TGFBR3: variants seen among roughly 807,000 people sequenced by gnomAD.
TGFBR3 encodes transforming growth factor beta receptor type 3.
TGFBR3 carries 46 observed loss-of-function variants against 87.9 expected under a neutral mutation model. The ratio of observed to expected loss-of-function variants is 0.52; its 90% CI spans 0.41 to 0.67. The LOEUF is 0.67. Among genes scored for constraint, TGFBR3 ranks in the 30% least tolerant of loss-of-function variants. The pLI is 0.00. For missense variants in TGFBR3, 866 were observed against 1,041.9 expected (o/e 0.83, Z 2.32); for synonymous variants, 381 against 391.6 (o/e 0.97, Z 0.32).
At chr1:91,877,330 G>A (rs1386676548) in intron 1 of TGFBR3, among the ~76,000 whole-genome samples, 1 of 150,682 alleles carries the variant, frequency 6.6e-6, no homozygotes, top group African/African-American at 2.4e-5. Flanking sequence ...CTTTTTTTGT[G>A]TGTGTGGTGG....
chr1:91,896,153 G>A (rs1459244514), intron 2 of TGFBR3, among the ~76,000 whole-genome samples: 1 of 152,086 alleles, frequency 6.6e-6, no homozygotes, highest in African/African-American at 2.4e-5. Context: ...CTTAAAGCAG[G>A]CTCCCTGTGT....
chr1:91,697,423 C>T (rs1671470772), intron 15 of TGFBR3, among the ~76,000 whole-genome samples: 1 of 152,208 alleles, frequency 6.6e-6, no homozygotes, highest in Admixed American at 6.5e-5. Context: ...AAATTCTCCT[C>T]ACAAGACAAC....
intron 2 of TGFBR3, among the ~76,000 whole-genome samples, chr1:91,858,785 G>A (rs1006164829): frequency 6.6e-6 from 1 of 152,002 alleles, no homozygotes; most frequent in Non-Finnish European, 1.5e-5. Flanking sequence ...TCCAGCGGTG[G>A]TGGCTCACAC....
At chr1:91,890,827 G>A (rs1679427790), upstream of TGFBR3, among the ~76,000 whole-genome samples, 4 of 152,042 alleles carry the variant, frequency 2.6e-5, no homozygotes, top group South Asian at 4.1e-4. Flanking sequence ...TACAGAATCC[G>A]TTCATGCTCT....
chr1:91,819,284 C>T (rs1676358258), intron 2 of TGFBR3, among the ~76,000 whole-genome samples: 1 of 152,048 alleles, frequency 6.6e-6, no homozygotes, highest in South Asian at 2.1e-4. Flanking sequence ...AGGAGAATCA[C>T]TTGAACTCGA....
At chr1:91,722,352 A>G (rs1178388429) in intron 7 of TGFBR3, among the ~76,000 whole-genome samples, 2 of 152,174 alleles carry the variant, frequency 1.3e-5, no homozygotes, top group Non-Finnish European at 2.9e-5. Flanking sequence ...CTGCTTGATC[A>G]TACTATTTGT....
intron 1 of TGFBR3, among the ~76,000 whole-genome samples, chr1:91,878,455 C>T (rs1054281847): frequency 6.6e-6 from 1 of 152,192 alleles, no homozygotes; most frequent in Admixed American, 6.5e-5. Context: ...AAAAGGGACC[C>T]TTTTCACTTG....
At position 91,816,033 on chromosome 1, in the gene TGFBR3, A is replaced by G. The variant is rs557690900; in HGVS notation, c.62-18562T>C. 5.3e-5 allele frequency among the ~76,000 whole-genome samples: 8 copies of G among 152,320 alleles called. No individual in the cohort carries two copies. In the South Asian group the frequency reaches 1.7e-3, roughly 32 times the overall value. On this transcript the variant is annotated intron_variant, in intron 2 of 16. Transcript: ENST00000212355. ...AACCTCTCTGAATCCACTTAAACCC[A>G]TGAATTGAAAGACTGGGTTGGATTT...
chr1:91,903,831 A>G (rs762009104), intron 1 of TGFBR3, among the ~76,000 whole-genome samples: 1 of 152,172 alleles, frequency 6.6e-6, no homozygotes, highest in Non-Finnish European at 1.5e-5. Flanking sequence ...TGCTAGCTAC[A>G]TATGGTTGGC....
Position 91,681,149 on chromosome 1 carries a change from A to G in TGFBR3, c.*2590T>C, listed in dbSNP as rs1488492429. 1.1e-5 allele frequency: 5 copies of G among 454,040 alleles called. No individual in the cohort carries two copies. Among genetic ancestry groups the G allele is most frequent in the Non-Finnish European group, 2.2e-5 (5 of 226,812 alleles). The allele number at this position is 454,040 out of a possible 1,614,324, so 28.1% of individuals were successfully genotyped here. A position where few individuals can be genotyped will look rare whatever the true frequency, so the allele number is the denominator to read the frequency against. On this transcript the variant is annotated 3_prime_UTR_variant, in exon 17 of 17. Coordinates refer to ENST00000212355, the MANE Select transcript of TGFBR3 (RefSeq NM_003243.5). The stretch of plus-strand genomic sequence containing the variant: ...CAATACTTTTAAAGAAACTTGTAGT[A>G]CACGTTATAAAAGTAGAGCTTGTAC...
chr1:91,853,234 C>T (rs1354986602), intron 2 of TGFBR3, among the ~76,000 whole-genome samples: 1 of 128,098 alleles, frequency 7.8e-6, no homozygotes, highest in African/African-American at 3.0e-5. Context: ...AATCAACTAG[C>T]TGTGTTCTAA....
chr1:91,753,030 AAAAAAAAG>A (rs1017307454), intron 4 of TGFBR3, among the ~76,000 whole-genome samples: 6 of 151,982 alleles, frequency 3.9e-5, no homozygotes, highest in Middle Eastern at 3.4e-3. Flanking sequence ...CTCTCTCAAA[AAAAAAAAG>A]AAAAAAAGAA....
At chr1:91,887,546 G>A (rs564177288), upstream of TGFBR3, among the ~76,000 whole-genome samples, 1 of 152,242 alleles carries the variant, frequency 6.6e-6, no homozygotes, top group African/African-American at 2.4e-5. Flanking sequence ...GATTAGAGGC[G>A]TTAGCCGCTG....
chr1:91,682,763 C>T lies in TGFBR3; in HGVS notation c.*976G>A. On this transcript the variant is annotated 3_prime_UTR_variant, in exon 17 of 17. Transcript: ENST00000212355. ...TACCAAATATACTTAAGTTGCAACT[C>T]TAAAAGCATAAGGACATTTTCAAAT... The T allele has an allele frequency of 2.2e-6, 1 of 453,888 alleles. No homozygotes were observed. The highest frequency in any genetic ancestry group is 4.4e-6 in the Non-Finnish European group (1 of 226,742). The allele number at this position is 453,888 out of a possible 1,614,324, so 28.1% of individuals were successfully genotyped here. A position where few individuals can be genotyped will look rare whatever the true frequency, so the allele number is the denominator to read the frequency against.
intron 1 of TGFBR3, among the ~76,000 whole-genome samples, chr1:91,862,507 G>T (rs534353603): frequency 2.0e-5 from 3 of 152,162 alleles, no homozygotes; most frequent in Non-Finnish European, 1.5e-5. Flanking sequence ...AGACTATCTG[G>T]TTACTGGACT....
intron 4 of TGFBR3, among the ~76,000 whole-genome samples, chr1:91,741,391 C>T (rs1442666630): frequency 6.6e-6 from 1 of 152,112 alleles, no homozygotes. Context: ...CGCCACTCCC[C>T]CACGCCCCGG....
At chr1:91,830,706 C>T (rs1029396840) in intron 2 of TGFBR3, among the ~76,000 whole-genome samples, 3 of 152,162 alleles carry the variant, frequency 2.0e-5, no homozygotes, top group Non-Finnish European at 2.9e-5. Flanking sequence ...CCTGACAGAT[C>T]TCGGTCTGGG....
In TGFBR3 at chr1:91,719,988, C is replaced by T. The variant is rs1672304737; in HGVS notation, c.1318G>A (p.Glu440Lys). 1 of 1,614,088 alleles carries T rather than the reference C, an allele frequency of 6.2e-7. No individual in the cohort carries two copies. The highest frequency in any genetic ancestry group is 1.7e-5 in the Admixed American group (1 of 60,006). The change falls in exon 9 of 17, where the codon GAG becomes AAG. Residue 440 changes from glutamate to lysine, a missense_variant. Coordinates refer to ENST00000212355, the MANE Select transcript of TGFBR3 (RefSeq NM_003243.5). The stretch of plus-strand genomic sequence containing the variant: ...ACGCTCCCTTGCACCTCTTCTGGCT[C>T]TCTGAGACCAGGAAACAGTTGTATG... ...PSIQLFPGLR[E>K]PEEVQGSVDI... is the part of the protein sequence containing the mutation.
intron 14 of TGFBR3, among the ~76,000 whole-genome samples, chr1:91,706,326 C>T (rs1671799268): frequency 6.6e-6 from 1 of 152,174 alleles, no homozygotes; most frequent in African/African-American, 2.4e-5. Context: ...AAGCAGGATG[C>T]AGTAAAGAAG....
Sources: gnomAD v4.1 joint callset for allele counts (sites outside exome capture counted in the v4.1 genomes callset) on GRCh38, gnomAD v4.1.1 for gene constraint, MANE v1.5 for transcripts, NCBI Gene and HGNC (gene_info 2026-07-23, HGNC 2026-07-21) for gene names.